Variants in R3HDM1 observed in about 807,000 individuals in gnomAD.
The protein encoded by R3HDM1 is R3H domain containing 1.
Under a neutral mutation model 141.1 loss-of-function variants are expected in R3HDM1, and 46 were observed. The observed-to-expected ratio is 0.33, with a 90% confidence interval of 0.26 to 0.42. R3HDM1 has a LOEUF of 0.42. Among genes scored for constraint, R3HDM1 ranks in the 10% least tolerant of loss-of-function variants. The pLI is 1.00. For missense variants in R3HDM1, 1,184 were observed against 1,368.3 expected (o/e 0.87, Z 2.12); for synonymous variants, 435 against 472.9 (o/e 0.92, Z 1.04).
intron 25 of R3HDM1, 141 bp downstream of exon 25, chr2:135,722,147 C>A: frequency 1.3e-6 from 1 of 790,010 alleles, no homozygotes; most frequent in Non-Finnish European, 2.1e-6. Flanking sequence ...CACAGATTAT[C>A]ACTGGCTCCA....
At chr2:135,683,968 A>G (rs1300654342) in intron 21 of R3HDM1, among the ~76,000 whole-genome samples, 1 of 151,938 alleles carries the variant, frequency 6.6e-6, no homozygotes, top group Non-Finnish European at 1.5e-5. Context: ...ATACATACAT[A>G]CATACATACA....
In R3HDM1 at chr2:135,669,262, A is replaced by G. The variant is rs1460739646; in HGVS notation, c.2153-6070A>G. On this transcript the variant is annotated intron_variant, in intron 19 of 26. Transcript: ENST00000683871. ...TCCCACAGAGAGGACATTGTGGGCT[A>G]ATCATATGCTTATTTACACCTGCTC... 11 of 985,306 alleles carry G rather than the reference A, an allele frequency of 1.1e-5. No homozygotes were observed. In the East Asian group the frequency reaches 1.0e-3, roughly 91 times the overall value. 61.0% of individuals were successfully genotyped at this position (985,306 alleles called of 1,614,324 possible).
intron 14 of R3HDM1, 170 bp downstream of exon 14, chr2:135,639,292 G>A (rs1293509634): frequency 1.6e-6 from 1 of 614,426 alleles, no homozygotes; most frequent in Admixed American, 3.1e-5. Flanking sequence ...TTGACATGAG[G>A]ATTCACTCTC....
chr2:135,682,435 A>C (rs2070481434), intron 21 of R3HDM1, among the ~76,000 whole-genome samples: 1 of 152,184 alleles, frequency 6.6e-6, no homozygotes, highest in African/African-American at 2.4e-5. Flanking sequence ...AGAGCTTGCC[A>C]TAAGAGTGTG....
chr2:135,565,959 G>C (rs977945128), intron 1 of R3HDM1: 12 of 152,162 alleles, frequency 7.9e-5, no homozygotes, highest in Non-Finnish European at 7.3e-5. Context: ...AGAAACTGGT[G>C]TATCAAGTGA....
chr2:135,680,843 C>A (rs187060548), intron 21 of R3HDM1, among the ~76,000 whole-genome samples: 276 of 152,282 alleles, frequency 1.8e-3, no homozygotes, highest in African/African-American at 6.4e-3. Context: ...AAGCTAAAGG[C>A]AAGTCAGATC....
At chr2:135,583,973 C>G in intron 1 of R3HDM1, 1 of 985,378 alleles carries the variant, frequency 1.0e-6, no homozygotes, top group African/African-American at 1.7e-5. Context: ...GCAGAAGTTG[C>G]TGGACATTCC....
At chr2:135,605,719 C>G (rs1039856859) in intron 3 of R3HDM1, 2 of 151,468 alleles carry the variant, frequency 1.3e-5, no homozygotes, top group Admixed American at 6.6e-5. Flanking sequence ...GAGTCTCTCT[C>G]TGTCGCCCAG....
intron 15 of R3HDM1, among the ~76,000 whole-genome samples, chr2:135,642,266 A>G (rs537888805): frequency 6.6e-6 from 1 of 152,306 alleles, no homozygotes; most frequent in Admixed American, 6.5e-5. Context: ...TACTGAGGAA[A>G]AGGTAAAGGA....
chr2:135,635,736 G>A (rs2063187106), intron 9 of R3HDM1, among the ~76,000 whole-genome samples, 154 bp from the exon 10 acceptor site: 1 of 152,170 alleles, frequency 6.6e-6, no homozygotes, highest in South Asian at 2.1e-4. Context: ...TGAGATTATT[G>A]TGAGGACTAA....
At chr2:135,638,843 T>C in intron 13 of R3HDM1, 53 bp from the exon 14 acceptor site, 2 of 1,611,674 alleles carry the variant, frequency 1.2e-6, no homozygotes, top group Non-Finnish European at 1.7e-6. Context: ...ATTTTTTTCT[T>C]TACTTTTTGT....
chr2:135,649,642 A>G (rs1438554843), intron 16 of R3HDM1, among the ~76,000 whole-genome samples: 1 of 152,218 alleles, frequency 6.6e-6, no homozygotes, highest in Non-Finnish European at 1.5e-5. Flanking sequence ...CCGTTAATCT[A>G]TAATAAAGAA....
intron 21 of R3HDM1, among the ~76,000 whole-genome samples, chr2:135,683,464 G>A (rs2070701435): frequency 6.7e-6 from 1 of 149,846 alleles, no homozygotes; most frequent in African/African-American, 2.5e-5. Context: ...TGAGGCAGGA[G>A]AATCGCTTGA....
At chr2:135,630,302 AAAAAAAC>A (rs2062565920) in intron 7 of R3HDM1, among the ~76,000 whole-genome samples, 11 of 146,716 alleles carry the variant, frequency 7.5e-5, no homozygotes, top group African/African-American at 2.4e-4. Flanking sequence ...AAAAAAAAAA[AAAAAAAC>A]AAAAAAAAAA....
At chr2:135,707,865 A>G (rs746803166) in intron 21 of R3HDM1, among the ~76,000 whole-genome samples, 28 of 152,214 alleles carry the variant, frequency 1.8e-4, no homozygotes, top group Admixed American at 5.2e-4. Context: ...ATCACTTTCT[A>G]TTAAATCCTC....
At chr2:135,667,292 T>C (rs2067661001) in intron 19 of R3HDM1, 1 of 867,872 alleles carries the variant, frequency 1.2e-6, no homozygotes, top group Non-Finnish European at 1.4e-6. Context: ...GTCCTAGTTC[T>C]CTTAGCTTGC....
At chr2:135,584,995 A>G (rs1707550250) in intron 1 of R3HDM1, among the ~76,000 whole-genome samples, 1 of 152,202 alleles carries the variant, frequency 6.6e-6, no homozygotes, top group Admixed American at 6.5e-5. Flanking sequence ...CTCTTTATGG[A>G]AAAAAGTTAG....
Position 135,621,616 on chromosome 2 carries a change from G to GTTCT in R3HDM1, c.418+11_418+14dup. On this transcript the variant is annotated intron_variant, in intron 6 of 26. Coordinates refer to ENST00000683871, the MANE Select transcript of R3HDM1 (RefSeq NM_001378107.1). ...GAAAAATGTTATCAAGAGGTTTGCA[G>GTTCT]TTCTTTTGTTTTTTTTTAAAAAAAA... The GTTCT allele has an allele frequency of 6.5e-7, 1 of 1,533,988 alleles. No individual in the cohort carries two copies. Among genetic ancestry groups the GTTCT allele is most frequent in the East Asian group, 2.3e-5 (1 of 43,820 alleles).
chr2:135,715,832 T>C lies in R3HDM1; in HGVS notation c.2881+138T>C, dbSNP rs2076106357. The stretch of plus-strand genomic sequence containing the variant: ...TTCACCTACACTCAGGCATGTCTAT[T>C]TGTGACCATATACCCTCCTAACCTT... On this transcript the variant is annotated intron_variant, in intron 24 of 26. Transcript: ENST00000683871. The C allele has an allele frequency of 2.9e-6, 3 of 1,049,306 alleles. No homozygotes were observed. The African/African-American group carries it at 4.8e-5, about 17-fold the overall frequency. 65.0% of individuals were successfully genotyped at this position (1,049,306 alleles called of 1,614,324 possible).
Sources: allele counts gnomAD v4.1 joint callset (sites outside exome capture counted in the v4.1 genomes callset), GRCh38; gene constraint gnomAD v4.1.1; transcripts MANE v1.5; gene names NCBI Gene and HGNC (gene_info 2026-07-23, HGNC 2026-07-21).